The following TIAM2 variants were observed in gnomAD, a reference collection of about 807,000 sequenced individuals.
TIAM2 encodes the protein TIAM Rac1 associated GEF 2.
In TIAM2, 80 loss-of-function variants were observed where a neutral mutation model predicts 152.9. That is an observed-to-expected ratio of 0.52 (90% CI 0.44 to 0.63). The LOEUF is 0.63. Among genes scored for constraint, TIAM2 ranks in the 30% least tolerant of loss-of-function variants. TIAM2 has a pLI of 0.00. For synonymous variants in TIAM2, 804 were observed against 838.0 expected, an observed-to-expected ratio of 0.96 and a Z score of 0.70; for missense variants, 1,965 against 2,120.1, an observed-to-expected ratio of 0.93 and a Z score of 1.44.
At chr6:155,224,482 G>A (rs1040892351) in intron 15 of TIAM2, among the ~76,000 whole-genome samples, 3 of 152,146 alleles carry the variant, frequency 2.0e-5, no homozygotes, top group Admixed American at 6.5e-5. Flanking sequence ...AGGTTAAGAT[G>A]GGATCATTCG....
At chr6:155,104,606 A>T (rs1778637575) in intron 2 of TIAM2, among the ~76,000 whole-genome samples, 2 of 151,930 alleles carry the variant, frequency 1.3e-5, no homozygotes, top group Admixed American at 1.3e-4. Context: ...AAATACAAAA[A>T]ATTAGCTGGG....
At chr6:155,045,669 C>T (rs1182060495) in intron 1 of TIAM2, among the ~76,000 whole-genome samples, 1 of 152,010 alleles carries the variant, frequency 6.6e-6, no homozygotes, top group Non-Finnish European at 1.5e-5. Flanking sequence ...CAAAGTAGGG[C>T]TGTGTGAGTA....
intron 14 of TIAM2, among the ~76,000 whole-genome samples, chr6:155,209,211 A>G (rs1781663044): frequency 6.6e-6 from 1 of 151,784 alleles, no homozygotes; most frequent in African/African-American, 2.4e-5. Context: ...CTCTCCCCAG[A>G]TTAGAAGCAG....
At chr6:155,008,973 G>T (rs9480006) in intron 1 of TIAM2, among the ~76,000 whole-genome samples, 33,141 of 151,634 alleles carry the variant, frequency 0.22, 4,388 homozygotes, top group African/African-American at 0.38. Flanking sequence ...ATAATGGAAA[G>T]CACATTAGGT....
chr6:155,087,321 G>T (rs540241196), intron 1 of TIAM2, among the ~76,000 whole-genome samples: 1 of 152,288 alleles, frequency 6.6e-6, no homozygotes, highest in Non-Finnish European at 1.5e-5. Flanking sequence ...ATATTTTATA[G>T]TTTTCAGTTA....
At chr6:155,049,591 A>T (rs1388902221) in intron 1 of TIAM2, among the ~76,000 whole-genome samples, 2 of 152,128 alleles carry the variant, frequency 1.3e-5, no homozygotes, top group Non-Finnish European at 2.9e-5. Flanking sequence ...AACAGCGGCT[A>T]ACCTTATTCT....
At chr6:155,018,430 G>T (rs1245933429) in intron 1 of TIAM2, among the ~76,000 whole-genome samples, 1 of 151,656 alleles carries the variant, frequency 6.6e-6, no homozygotes, top group Non-Finnish European at 1.5e-5. Context: ...GACCAGCCTG[G>T]CCAACACAGT....
At chr6:155,104,278 G>A (rs942795099) in intron 2 of TIAM2, among the ~76,000 whole-genome samples, 5 of 151,922 alleles carry the variant, frequency 3.3e-5, no homozygotes, top group Non-Finnish European at 2.9e-5. Flanking sequence ...TTGGACTAGG[G>A]AATTTTGCAG....
intron 6 of TIAM2, 141 bp from the exon 7 acceptor site, chr6:155,147,969 G>A: frequency 1.3e-6 from 1 of 779,166 alleles, no homozygotes. Context: ...TTGAATGGTT[G>A]AATGTGTTTT....
intron 20 of TIAM2, among the ~76,000 whole-genome samples, chr6:155,249,229 A>C (rs1484865541): frequency 1.3e-5 from 2 of 152,250 alleles, no homozygotes; most frequent in Non-Finnish European, 2.9e-5. Flanking sequence ...AAAATAATGT[A>C]TCTCTCATAT....
chr6:155,018,235 C>T (rs1187335990), intron 1 of TIAM2, among the ~76,000 whole-genome samples: 9 of 16,734 alleles, frequency 5.4e-4, no homozygotes, highest in South Asian at 7.6e-3. Flanking sequence ...GAGACTGTCT[C>T]GAAAAAAAAA....
intron 15 of TIAM2, among the ~76,000 whole-genome samples, chr6:155,221,303 A>G (rs1782037561): frequency 6.6e-6 from 1 of 152,084 alleles, no homozygotes; most frequent in African/African-American, 2.4e-5. Context: ...GCTGGCTCTG[A>G]AATTAACTTG....
In TIAM2 at chr6:155,071,727, T is replaced by C. The variant is rs572421009; in HGVS notation, c.-208-18562T>C. On this transcript the variant is annotated intron_variant, in intron 1 of 26. Transcript: ENST00000682666. Reference sequence around the variant, plus strand: ...CTGGCCAACATGGTGAAACCCCATCTCTACTAAAAACTACAAAAATTAGCT... The same window carrying C: ...CTGGCCAACATGGTGAAACCCCATCCCTACTAAAAACTACAAAAATTAGCT... Among the ~76,000 whole-genome samples the C allele has an allele frequency of 9.9e-5, 15 of 152,120 alleles. No individual in the cohort carries two copies. The South Asian group carries it at 2.7e-3, about 27-fold the overall frequency.
chr6:155,129,896 A>T lies in TIAM2; in HGVS notation c.673A>T (p.Ser225Cys). The T allele has an allele frequency of 6.2e-7, 1 of 1,613,824 alleles. No homozygotes were observed. The highest frequency in any genetic ancestry group is 8.5e-7 in the Non-Finnish European group (1 of 1,180,016). The change falls in exon 4 of 27, where the codon AGC (serine) becomes TGC (cysteine). Residue 225 changes from serine to cysteine, a missense_variant. Physicochemically the swap from Ser to Cys is moderately radical, Grantham distance 112. Around this residue, in one of 3 missense-constraint regions of TIAM2, gnomAD observed 1,025 missense variants for 1,119.4 expected, o/e 0.92. Transcript: ENST00000682666. This position sits in a 1 kb window ranked among gnomAD's most constrained non-coding sequence, Gnocchi z 4.8. Reference protein sequence around the residue: ...RRGSSADSLPSHRPSPTDSRL... With the variant: ...RRGSSADSLPCHRPSPTDSRL... ...GGGGTCCAGCGCCGATTCCCTGCCC[A>T]GCCATCGCCCCTCTCCCACGGACTC...
intron 1 of TIAM2, among the ~76,000 whole-genome samples, chr6:155,048,649 G>A (rs1777256301): frequency 6.6e-6 from 1 of 152,172 alleles, no homozygotes; most frequent in South Asian, 2.1e-4. Flanking sequence ...TGGAGTGAAG[G>A]AGACTCGGGA....
At chr6:155,159,213 G>A (rs939859271) in intron 7 of TIAM2, among the ~76,000 whole-genome samples, 3 of 152,160 alleles carry the variant, frequency 2.0e-5, no homozygotes, top group Admixed American at 6.5e-5. Context: ...AATGTAAAGT[G>A]TTCAATATGA....
chr6:155,063,857 T>C (rs566547208), intron 1 of TIAM2, among the ~76,000 whole-genome samples: 24 of 150,766 alleles, frequency 1.6e-4, no homozygotes, highest in Middle Eastern at 3.5e-3. Flanking sequence ...ATAACTGAAT[T>C]AAAAAATAAA....
chr6:155,022,908 G>A (rs1388112886), intron 1 of TIAM2, among the ~76,000 whole-genome samples: 1 of 152,222 alleles, frequency 6.6e-6, no homozygotes, highest in Non-Finnish European at 1.5e-5. Context: ...CGCTGGGCTT[G>A]GCAGCCATGG....
chr6:155,255,428 T>A (rs1208745995), intron 26 of TIAM2: 1 of 152,190 alleles, frequency 6.6e-6, no homozygotes, highest in Non-Finnish European at 1.5e-5. Flanking sequence ...TTTCTTGTTT[T>A]TAGGCTTAGA....
Sources: gnomAD v4.1 joint callset for allele counts (sites outside exome capture counted in the v4.1 genomes callset) on GRCh38, gnomAD v4.1.1 for gene constraint, gnomAD v4.1.1 regional missense constraint, Gnocchi (gnomAD v3.1) non-coding constraint, MANE v1.5 for transcripts, NCBI Gene and HGNC (gene_info 2026-07-23, HGNC 2026-07-21) for gene names.